Variants in PHF1 observed in about 807,000 individuals in gnomAD.
The protein encoded by PHF1 is PHD finger protein 1, also known as polycomb-like 1.
In PHF1, 16 loss-of-function variants were observed where a neutral mutation model predicts 69.4. The ratio of observed to expected loss-of-function variants is 0.23; its 90% CI spans 0.16 to 0.35. The LOEUF (loss-of-function observed/expected upper bound fraction) is 0.35, where lower values mean the gene tolerates loss of function less well. Among genes scored for constraint, PHF1 ranks in the 10% least tolerant of loss-of-function variants. PHF1 has a pLI of 1.00. For synonymous variants in PHF1, 274 were observed against 275.0 expected, an observed-to-expected ratio of 1.00 and a Z score of 0.04; for missense variants, 515 against 732.8, an observed-to-expected ratio of 0.70 and a Z score of 3.43.
Position 33,414,606 on chromosome 6 carries a change from G to A in PHF1, c.944+62G>A. On this transcript the variant is annotated intron_variant, in intron 10 of 14. Coordinates refer to ENST00000374516, the MANE Select transcript of PHF1 (RefSeq NM_024165.3). The surrounding 1 kb of genome is among the most constrained non-coding windows in gnomAD (Gnocchi z 5.0). ...GGAAAGAGATGGAGAGTGGAAGCCT[G>A]GAAGGGGAGGGGCTTGCAACCCACC... 1.3e-6 allele frequency: 2 copies of A among 1,583,306 alleles called. No homozygotes were observed. The highest frequency in any genetic ancestry group is 1.7e-6 in the Non-Finnish European group (2 of 1,153,936).
In PHF1 at chr6:33,414,071, C is replaced by A. The variant is rs753892070; in HGVS notation, c.714C>A (p.Arg238=). The stretch of plus-strand genomic sequence containing the variant: ...ATGAATTTGAATGCTGTGTGTGTCG[C>A]GGGGGCCCTGAGAAAGTCCGGAGAC... ...RFYEFECCVC[R]GGPEKVRRLQ... The change falls in exon 8 of 15, where the codon CGC becomes CGA. Residue 238 remains arginine (R), a synonymous_variant. Transcript: ENST00000374516. The surrounding 1 kb of genome is among the most constrained non-coding windows in gnomAD (Gnocchi z 5.0). The A allele has an allele frequency of 2.5e-6, 4 of 1,614,072 alleles. No homozygotes were observed. The African/African-American group carries it at 5.3e-5, about 22-fold the overall frequency.
Position 33,414,651 on chromosome 6 carries a change from A to G in PHF1, c.945-74A>G. 1 of 1,532,044 alleles carries G rather than the reference A, an allele frequency of 6.5e-7. No individual in the cohort carries two copies. Among genetic ancestry groups the G allele is most frequent in the South Asian group, 1.1e-5 (1 of 88,894 alleles). 94.9% of individuals were successfully genotyped at this position (1,532,044 alleles called of 1,614,324 possible). ...CCCACCTGGAAGACTGTGACTGAAA[A>G]GGATTGAGGAATGGCGTAAGGAGGA... On this transcript the variant is annotated intron_variant, in intron 10 of 14. Transcript: ENST00000374516. This position sits in a 1 kb window ranked among gnomAD's most constrained non-coding sequence, Gnocchi z 5.0.
In PHF1 at chr6:33,415,452, C is replaced by T. The variant is rs1467230488; in HGVS notation, c.1334+123C>T. On this transcript the variant is annotated intron_variant, in intron 13 of 14. Transcript: ENST00000374516. ...CTACCCACTTCTTGGCCTAGACCGA[C>T]TTCTAGAACTAGTGTCTGGTAGCCA... 1.1e-5 allele frequency: 13 copies of T among 1,223,236 alleles called. No homozygotes were observed. The Admixed American group carries it at 2.4e-4, about 22-fold the overall frequency. The allele number at this position is 1,223,236 out of a possible 1,614,324, so 75.8% of individuals were successfully genotyped here.
chr6:33,414,174 A>G lies in PHF1; in HGVS notation c.752+65A>G, dbSNP rs760739176. On this transcript the variant is annotated intron_variant, in intron 8 of 14. Transcript: ENST00000374516. This position sits in a 1 kb window ranked among gnomAD's most constrained non-coding sequence, Gnocchi z 5.0. ...CACAGTATTTCACTCTATATGCCCC[A>G]ACCTCCCACCTCAGGACTCCCCTGG... is the stretch of plus-strand genomic sequence containing the variant. The G allele has an allele frequency of 3.1e-6, 5 of 1,613,732 alleles. No individual in the cohort carries two copies. The highest frequency in any genetic ancestry group is 4.2e-6 in the Non-Finnish European group (5 of 1,179,738).
At chr6:33,413,585 G>A in intron 6 of PHF1, 28 bp downstream of exon 6, 1 of 1,613,842 alleles carries the variant, frequency 6.2e-7, no homozygotes, top group African/African-American at 1.3e-5. Context: ...AGCAGACTGT[G>A]GAATGAATGA....
At position 33,412,495 on chromosome 6, in the gene PHF1, T is replaced by C; in HGVS notation, c.160-13T>C. On this transcript the variant is annotated splice_polypyrimidine_tract_variant and intron_variant, in intron 2 of 14. Transcript: ENST00000374516. The surrounding 1 kb of genome is among the most constrained non-coding windows in gnomAD (Gnocchi z 4.2). The stretch of plus-strand genomic sequence containing the variant: ...CTGGTTCCCATTTCATCCTGTTTGC[T>C]CACCCATTCCAGGTGGACAGTGCTA... The C allele has an allele frequency of 3.7e-6, 6 of 1,614,238 alleles. No homozygotes were observed. The highest frequency in any genetic ancestry group is 5.1e-6 in the Non-Finnish European group (6 of 1,180,028).
At position 33,416,155 on chromosome 6, in the gene PHF1, C is replaced by T. The variant is rs1562859371; in HGVS notation, c.*57C>T. 14 of 1,401,946 alleles carry T rather than the reference C, an allele frequency of 1.0e-5. No individual in the cohort carries two copies. The highest frequency in any genetic ancestry group is 2.9e-5 in the South Asian group (2 of 69,846). 86.8% of individuals were successfully genotyped at this position (1,401,946 alleles called of 1,614,324 possible). On this transcript the variant is annotated 3_prime_UTR_variant, in exon 15 of 15. Coordinates refer to ENST00000374516, the MANE Select transcript of PHF1 (RefSeq NM_024165.3). ...ACACACCGGCACTTTCATACCCTGA[C>T]CTCTGACCTCACCTACAGCTGGGAT...
chr6:33,415,322 C>A lies in PHF1; in HGVS notation c.1327C>A (p.Leu443Met). The A allele has an allele frequency of 1.2e-6, 2 of 1,612,362 alleles. No individual in the cohort carries two copies. The highest frequency in any genetic ancestry group is 1.7e-6 in the Non-Finnish European group (2 of 1,179,216). The change falls in exon 13 of 15, where the codon CTG becomes ATG. Residue 443 changes from leucine (L) to methionine (M), a missense_variant. Physicochemically the swap from Leu to Met is conservative, Grantham distance 15. Transcript: ENST00000374516. ...CTTCCGGCCCACAGATGCCCGCTGC[C>A]TGCCCAGGTCAGTGCTCCTCTGCCC... The part of the protein sequence containing the change: ...YNFRPTDARC[L>M]PSSPIRMFAS...
chr6:33,412,884 C>T lies in PHF1; in HGVS notation c.337+91C>T, dbSNP rs1776182634. The T allele has an allele frequency of 9.2e-7, 1 of 1,083,032 alleles. No individual in the cohort carries two copies. The highest frequency in any genetic ancestry group is 1.5e-5 in the African/African-American group (1 of 64,708). The allele number at this position is 1,083,032 out of a possible 1,614,324, so 67.1% of individuals were successfully genotyped here. On this transcript the variant is annotated intron_variant, in intron 4 of 14. Transcript: ENST00000374516. The surrounding 1 kb of genome is among the most constrained non-coding windows in gnomAD (Gnocchi z 4.2). ...TGTCCTGGCCTTAGTCCCCAAGCCACTGCTCTGGCCAGGCTGCTTAGCCTT... is the reference window on the plus strand; with the variant it reads ...TGTCCTGGCCTTAGTCCCCAAGCCATTGCTCTGGCCAGGCTGCTTAGCCTT...
At chr6:33,410,609 G>GC (rs1775949012), upstream of PHF1, 1 of 150,026 alleles carries the variant, frequency 6.7e-6, no homozygotes, top group Non-Finnish European at 1.5e-5. Flanking sequence ...CGTGGTGGGG[G>GC]CATCGAGAAG....
At position 33,415,110 on chromosome 6, in the gene PHF1, A is replaced by T; in HGVS notation, c.1205A>T (p.Gln402Leu). The change falls in exon 12 of 15, where the codon CAG (glutamine) becomes CTG (leucine). Residue 402 changes from glutamine (Q) to leucine (L), a missense_variant. By Grantham distance (113) the Gln-to-Leu change is moderately radical (BLOSUM62 -2). Around this residue, in one of 5 missense-constraint regions of PHF1, gnomAD observed 274 missense variants for 304.5 expected, o/e 0.90. Transcript: ENST00000374516. ...CGCAATCAGCCCGAGCCCCAGGAGC[A>T]GAGGGAGCGGGCTCATCTGCAGAGG... ...AVRNQPEPQE[Q>L]RERAHLQRAL... 1 of 1,613,604 alleles carries T rather than the reference A, an allele frequency of 6.2e-7. No individual in the cohort carries two copies. The highest frequency in any genetic ancestry group is 1.1e-5 in the South Asian group (1 of 91,076).
chr6:33,412,699 T>C lies in PHF1; in HGVS notation c.243T>C (p.Ala81=). The C allele has an allele frequency of 4.3e-6, 7 of 1,614,020 alleles. No individual in the cohort carries two copies. The highest frequency in any genetic ancestry group is 5.9e-6 in the Non-Finnish European group (7 of 1,179,858). Residue 81 remains alanine (A), a splice_region_variant and synonymous_variant, in exon 4 of 15, where the codon GCT becomes GCC. Transcript: ENST00000374516. The surrounding 1 kb of genome is among the most constrained non-coding windows in gnomAD (Gnocchi z 4.2). ...CTGTGACACTGTGTTCTCTCACAGC[T>C]GCCCTCCCTGGAGAGGAACTCCTCT... ...FLVLWKDISP[A]ALPGEELLCC...
Position 33,414,037 on chromosome 6 carries a change from C to T in PHF1, c.684-4C>T. 1 of 1,614,014 alleles carries T rather than the reference C, an allele frequency of 6.2e-7. No individual in the cohort carries two copies. Among genetic ancestry groups the T allele is most frequent in the Non-Finnish European group, 8.5e-7 (1 of 1,180,016 alleles). On this transcript the variant is annotated splice_polypyrimidine_tract_variant and splice_region_variant and intron_variant, in intron 7 of 14. Transcript: ENST00000374516. This position sits in a 1 kb window ranked among gnomAD's most constrained non-coding sequence, Gnocchi z 5.0. ...TGTGTTTGCTCCCTCTTGCCCATGT[C>T]CAGGTTCTATGAATTTGAATGCTGT...
chr6:33,415,806 C>G lies in PHF1; in HGVS notation c.1416-4C>G. 6.3e-7 allele frequency: 1 copy of G among 1,596,794 alleles called. No homozygotes were observed. Among genetic ancestry groups the G allele is most frequent in the Non-Finnish European group, 8.6e-7 (1 of 1,167,842 alleles). On this transcript the variant is annotated splice_polypyrimidine_tract_variant and splice_region_variant and intron_variant, in intron 14 of 14. Transcript: ENST00000374516. ...CATTTCTTACAATTGCCTTCTCTCCCTAGGTCACCCCTGGAACTTCACATT... is the reference window on the plus strand; with the variant it reads ...CATTTCTTACAATTGCCTTCTCTCCGTAGGTCACCCCTGGAACTTCACATT...
chr6:33,414,119 A>T lies in PHF1; in HGVS notation c.752+10A>T. 1 of 1,613,992 alleles carries T rather than the reference A, an allele frequency of 6.2e-7. No individual in the cohort carries two copies. On this transcript the variant is annotated intron_variant, in intron 8 of 14. Transcript: ENST00000374516. This position sits in a 1 kb window ranked among gnomAD's most constrained non-coding sequence, Gnocchi z 5.0. ...GACTACAGCTTCGCTGGTGAGCTGG[A>T]TTGGGCATGACCTCAGTGTAACTCC...
chr6:33,416,151 C>T lies in PHF1; in HGVS notation c.*53C>T. ...TCACACACACCGGCACTTTCATACC[C>T]TGACCTCTGACCTCACCTACAGCTG... On this transcript the variant is annotated 3_prime_UTR_variant, in exon 15 of 15. Transcript: ENST00000374516. 6 of 1,398,484 alleles carry T rather than the reference C, an allele frequency of 4.3e-6. No homozygotes were observed. The highest frequency in any genetic ancestry group is 5.8e-6 in the Non-Finnish European group (6 of 1,042,848). The allele number at this position is 1,398,484 out of a possible 1,614,324, so 86.6% of individuals were successfully genotyped here.
chr6:33,415,464 G>A, intron 13 of PHF1, 126 bp from the exon 14 acceptor site: 1 of 1,232,604 alleles, frequency 8.1e-7, no homozygotes, highest in South Asian at 1.3e-5. Context: ...TCTAGAACTA[G>A]TGTCTGGTAG....
chr6:33,415,971 G>A lies in PHF1; in HGVS notation c.1577G>A (p.Gly526Glu), dbSNP rs1776445133. 1 of 1,614,000 alleles carries A rather than the reference G, an allele frequency of 6.2e-7. No homozygotes were observed. The highest frequency in any genetic ancestry group is 1.7e-5 in the Admixed American group (1 of 59,996). Residue 526 changes from glycine to glutamate, a missense_variant, in exon 15 of 15, where the codon GGG (glycine) becomes GAG (glutamate). Coordinates refer to ENST00000374516, the MANE Select transcript of PHF1 (RefSeq NM_024165.3). ...TGCCGTAGTTTGTCTCCTGGGACTG[G>A]GGGAGGAGTCCGAGGTGGGGTTGGT... Reference protein sequence around the residue: ...PLCRSLSPGTGGGVRGGVGYL... With the variant: ...PLCRSLSPGTEGGVRGGVGYL...
Position 33,414,918 on chromosome 6 carries a change from C to T in PHF1, c.1050-37C>T, listed in dbSNP as rs868302966. ...GAGATGGGGAGGTCTTGGGGGTGTC[C>T]GGGAGGGGGCTGGGGGGATAAGGAG... On this transcript the variant is annotated intron_variant, in intron 11 of 14. Coordinates refer to ENST00000374516, the MANE Select transcript of PHF1 (RefSeq NM_024165.3). The surrounding 1 kb of genome is among the most constrained non-coding windows in gnomAD (Gnocchi z 5.0). 90 of 1,343,014 alleles carry T rather than the reference C, an allele frequency of 6.7e-5. No individual in the cohort carries two copies. The highest frequency in any genetic ancestry group is 2.2e-4 in the Middle Eastern group (1 of 4,464). The allele number at this position is 1,343,014 out of a possible 1,614,324, so 83.2% of individuals were successfully genotyped here.
Sources: allele counts gnomAD v4.1 joint callset, GRCh38; gene constraint gnomAD v4.1.1; regional missense constraint gnomAD v4.1.1; non-coding constraint Gnocchi (gnomAD v3.1); transcripts MANE v1.5; gene names NCBI Gene and HGNC (gene_info 2026-07-23, HGNC 2026-07-21).